The following DOCK1 variants were observed in gnomAD, a reference collection of about 807,000 sequenced individuals.
DOCK1 encodes the protein dedicator of cytokinesis 1.
DOCK1 carries 138 observed loss-of-function variants against 262.7 expected under a neutral mutation model. The ratio of observed to expected loss-of-function variants is 0.53; its 90% CI spans 0.46 to 0.61. The LOEUF (loss-of-function observed/expected upper bound fraction) is 0.61. Among genes scored for constraint, DOCK1 ranks in the 20% least tolerant of loss-of-function variants. DOCK1 has a pLI of 0.00. For synonymous variants in DOCK1, 866 were observed against 867.4 expected (o/e 1.00, Z 0.03); for missense variants, 1,908 against 2,370.7 (o/e 0.80, Z 4.05).
intron 29 of DOCK1, among the ~76,000 whole-genome samples, chr10:127,280,034 A>ATATATATATATATATAT (rs1554939125): frequency 3.5e-4 from 32 of 91,390 alleles, no homozygotes; most frequent in African/African-American, 5.2e-4. Context: ...ATATATATAT[A>ATATATATATATATATAT]ATTTTTTTTT....
chr10:126,977,848 A>C lies in DOCK1; in HGVS notation c.131-100A>C, dbSNP rs1484710820. Reference sequence around the variant, plus strand: ...AAAATGCTGGTGACAAACTGACCTCACTGGTTCTGCCAAACAGTGAGTTCT... The same window carrying C: ...AAAATGCTGGTGACAAACTGACCTCCCTGGTTCTGCCAAACAGTGAGTTCT... On this transcript the variant is annotated intron_variant, in intron 2 of 51. Transcript: ENST00000623213. 3 of 1,175,508 alleles carry C rather than the reference A, an allele frequency of 2.6e-6. No homozygotes were observed. The East Asian group carries it at 7.2e-5, about 28-fold the overall frequency. The allele number at this position is 1,175,508 out of a possible 1,614,324, so 72.8% of individuals were successfully genotyped here.
chr10:126,957,916 C>G (rs2134489099), intron 1 of DOCK1, among the ~76,000 whole-genome samples: 2 of 152,328 alleles, frequency 1.3e-5, no homozygotes, highest in South Asian at 4.1e-4. Flanking sequence ...ACTACTGATA[C>G]AACACCATTC....
At position 127,100,916 on chromosome 10, in the gene DOCK1, C is replaced by T. The variant is rs1167765547; in HGVS notation, c.2446-5315C>T. Among the ~76,000 whole-genome samples the T allele has an allele frequency of 6.6e-6, 1 of 152,014 alleles. No individual in the cohort carries two copies. Among genetic ancestry groups the T allele is most frequent in the East Asian group, 1.9e-4 (1 of 5,142 alleles). On this transcript the variant is annotated intron_variant, in intron 23 of 51. Transcript: ENST00000623213. This position sits in a 1 kb window ranked among gnomAD's most constrained non-coding sequence, Gnocchi z 5.5. ...CACTGTGGGGTATTGTCCGATGGAG[C>T]AGAGGCTCGCAGGGCCTGGGGCTGC...
chr10:127,436,338 A>G (rs7923470), intron 48 of DOCK1, among the ~76,000 whole-genome samples: 107,556 of 151,910 alleles, frequency 0.71, 39,028 homozygotes, highest in African/African-American at 0.87. Context: ...GCAACATAAC[A>G]AAACCCCATC....
intron 27 of DOCK1, among the ~76,000 whole-genome samples, chr10:127,241,901 G>C (rs2059278462): frequency 6.6e-6 from 1 of 152,122 alleles, no homozygotes. Context: ...CTGGGCATAG[G>C]CAGACTGGAT....
chr10:126,935,299 G>A (rs2034493087), intron 1 of DOCK1, among the ~76,000 whole-genome samples: 2 of 152,220 alleles, frequency 1.3e-5, no homozygotes, highest in Admixed American at 6.5e-5. Context: ...TCTACACTGT[G>A]TTCATGTGTG....
At chr10:127,049,252 C>A (rs1301932464) in intron 21 of DOCK1, among the ~76,000 whole-genome samples, 1 of 152,194 alleles carries the variant, frequency 6.6e-6, no homozygotes, top group Non-Finnish European at 1.5e-5. Context: ...CATGGTGGCT[C>A]ATGCCTATAA....
At chr10:127,040,814 C>T (rs2043967470) in intron 19 of DOCK1, among the ~76,000 whole-genome samples, 1 of 152,230 alleles carries the variant, frequency 6.6e-6, no homozygotes, top group African/African-American at 2.4e-5. Context: ...CATCCTTTTA[C>T]TCTGAAGTTT....
At chr10:127,422,018 C>G (rs757773150) in intron 46 of DOCK1, among the ~76,000 whole-genome samples, 4 of 152,104 alleles carry the variant, frequency 2.6e-5, no homozygotes, top group Non-Finnish European at 5.9e-5. Context: ...GAATTGCTGG[C>G]TCATGTGGTA....
intron 4 of DOCK1, among the ~76,000 whole-genome samples, chr10:126,983,911 T>C (rs61875508): frequency 0.21 from 32,203 of 152,196 alleles, 3,832 homozygotes; most frequent in Middle Eastern, 0.34. Flanking sequence ...TCCTTATGTC[T>C]GGACCTCACA....
intron 29 of DOCK1, among the ~76,000 whole-genome samples, chr10:127,257,995 A>G (rs946606783): frequency 6.6e-6 from 1 of 152,228 alleles, no homozygotes; most frequent in Non-Finnish European, 1.5e-5. Context: ...ATTTTTAAAA[A>G]GAACTTTCTG....
At chr10:127,141,021 A>T (rs1453204722) in intron 27 of DOCK1, among the ~76,000 whole-genome samples, 22 of 151,928 alleles carry the variant, frequency 1.4e-4, no homozygotes, top group Admixed American at 1.4e-3. Flanking sequence ...TGGTTGCCCT[A>T]CCTGGGGCCA....
chr10:127,182,297 C>G (rs2055811282), intron 27 of DOCK1, among the ~76,000 whole-genome samples: 1 of 152,160 alleles, frequency 6.6e-6, no homozygotes, highest in Non-Finnish European at 1.5e-5. Context: ...TTAGAAAACA[C>G]TCTTAACGAA....
At chr10:127,119,125 G>A (rs7908723) in intron 25 of DOCK1, among the ~76,000 whole-genome samples, 25,175 of 151,268 alleles carry the variant, frequency 0.17, 2,554 homozygotes, top group African/African-American at 0.29. Flanking sequence ...CTTACTGCAA[G>A]CTCCGTCTCC....
chr10:127,292,717 G>A (rs553972204), intron 29 of DOCK1, among the ~76,000 whole-genome samples: 4 of 152,194 alleles, frequency 2.6e-5, no homozygotes, highest in African/African-American at 9.6e-5. Context: ...TGCTTGTCAG[G>A]TATGCTGTTG....
At chr10:127,027,705 T>A (rs1279822769) in intron 16 of DOCK1, among the ~76,000 whole-genome samples, 1 of 152,128 alleles carries the variant, frequency 6.6e-6, no homozygotes, top group Non-Finnish European at 1.5e-5. Context: ...AGGGGCTCCA[T>A]TGTAGTTGCT....
intron 27 of DOCK1, among the ~76,000 whole-genome samples, chr10:127,230,104 A>T (rs2058787252): frequency 6.6e-6 from 1 of 152,112 alleles, no homozygotes; most frequent in Non-Finnish European, 1.5e-5. Flanking sequence ...CCCTTTTTAA[A>T]ACAGGTCATT....
chr10:127,086,738 G>A (rs1189126311), intron 23 of DOCK1, among the ~76,000 whole-genome samples: 2 of 152,238 alleles, frequency 1.3e-5, no homozygotes, highest in African/African-American at 4.8e-5. Context: ...ACGAAAATGG[G>A]TCTTGGTGAT....
chr10:126,936,098 A>G (rs958879814), intron 1 of DOCK1, among the ~76,000 whole-genome samples: 10 of 152,144 alleles, frequency 6.6e-5, no homozygotes, highest in Non-Finnish European at 1.3e-4. Flanking sequence ...TTCCCACCTC[A>G]GCCTCCCCAG....
Sources: allele counts gnomAD v4.1 joint callset (sites outside exome capture counted in the v4.1 genomes callset), GRCh38; gene constraint gnomAD v4.1.1; non-coding constraint Gnocchi (gnomAD v3.1); transcripts MANE v1.5; gene names NCBI Gene and HGNC (gene_info 2026-07-23, HGNC 2026-07-21).